Variants in PTPRZ1 observed in about 807,000 individuals in gnomAD.
The protein encoded by PTPRZ1 is receptor-type tyrosine-protein phosphatase zeta.
In PTPRZ1, 82 loss-of-function variants were observed where a neutral mutation model predicts 214.1. That is an observed-to-expected ratio of 0.38 (90% CI 0.32 to 0.46). PTPRZ1 has a LOEUF of 0.46. PTPRZ1 is among the 20% of genes least tolerant of loss of function. PTPRZ1 has a pLI of 1.00. For missense variants in PTPRZ1, 2,603 were observed against 2,748.7 expected, an observed-to-expected ratio of 0.95 and a Z score of 1.19; for synonymous variants, 945 against 987.9, an observed-to-expected ratio of 0.96 and a Z score of 0.81.
In PTPRZ1 at chr7:122,013,185, C is replaced by T. The variant is rs768678557; in HGVS notation, c.4139C>T (p.Ser1380Phe). 5.6e-6 allele frequency: 9 copies of T among 1,614,122 alleles called. No homozygotes were observed. The highest frequency in any genetic ancestry group is 6.8e-6 in the Non-Finnish European group (8 of 1,179,996). The change falls in exon 12 of 30, where the codon TCT becomes TTT. Residue 1380 changes from serine (S) to phenylalanine (F), a missense_variant. Transcript: ENST00000393386. ...GGGCATGTTGCCATTACAGCTGTTTCTCCCCACAGAGATGGTTCTGTAACC... is the reference window on the plus strand; with the variant it reads ...GGGCATGTTGCCATTACAGCTGTTTTTCCCCACAGAGATGGTTCTGTAACC... The part of the protein sequence containing the change: ...GNGHVAITAV[S>F]PHRDGSVTST...
rs1798938938 is a variant in PTPRZ1, at chr7:122,019,170, G to T, written c.4890G>T (p.Gly1630=). Residue 1630 remains glycine (G), a synonymous_variant, in exon 13 of 30, where the codon GGG becomes GGT. Coordinates refer to ENST00000393386, the MANE Select transcript of PTPRZ1 (RefSeq NM_002851.3). Reference sequence around the variant, plus strand: ...AGTCTCGTATTGGTCTAGCTGAGGGGTTGGAATCCGAGAAGAAGGCAGTTA... The same window carrying T: ...AGTCTCGTATTGGTCTAGCTGAGGGTTTGGAATCCGAGAAGAAGGCAGTTA... ...SHESRIGLAE[G]LESEKKAVIP... The T allele has an allele frequency of 1.2e-6, 2 of 1,611,990 alleles. No individual in the cohort carries two copies. The highest frequency in any genetic ancestry group is 2.2e-5 in the South Asian group (2 of 91,034).
intron 2 of PTPRZ1, among the ~76,000 whole-genome samples, chr7:121,959,562 T>A (rs1470425648): frequency 6.6e-6 from 1 of 152,222 alleles, no homozygotes; most frequent in East Asian, 1.9e-4. Context: ...TGATGGCATT[T>A]ATCATTAAGA....
intron 10 of PTPRZ1, among the ~76,000 whole-genome samples, chr7:122,000,701 A>ATT (rs1798297038): frequency 1.1e-5 from 1 of 94,464 alleles, no homozygotes; most frequent in African/African-American, 4.3e-5. Context: ...ATATATATAT[A>ATT]TTTGAGGTGG....
At chr7:121,878,640 A>G (rs577455263) in intron 1 of PTPRZ1, among the ~76,000 whole-genome samples, 1 of 152,134 alleles carries the variant, frequency 6.6e-6, no homozygotes, top group East Asian at 1.9e-4. Flanking sequence ...CCCATAGTAC[A>G]TTTTCCATAA....
At chr7:121,968,877 A>T (rs1156377387) in intron 3 of PTPRZ1, among the ~76,000 whole-genome samples, 2 of 151,960 alleles carry the variant, frequency 1.3e-5, no homozygotes, top group African/African-American at 2.4e-5. Context: ...TCATTGGTGA[A>T]TTTTTTTTAT....
chr7:122,031,545 A>C lies in PTPRZ1; in HGVS notation c.5152A>C (p.Thr1718Pro), dbSNP rs1406864266. 2.5e-6 allele frequency: 4 copies of C among 1,605,882 alleles called. No homozygotes were observed. In the African/African-American group the frequency reaches 5.4e-5, roughly 21 times the overall value. ...AGATTTACATGCAAGTAGTGGGTTT[A>C]CTGAAGAATTTGAGGTATGATTTTA... ...VADLHASSGF[T>P]EEFETLKEFY... is the part of the protein sequence containing the mutation. Residue 1718 changes from threonine to proline, a missense_variant, in exon 15 of 30, where the codon ACT (threonine) becomes CCT (proline). Around this residue, in one of 6 missense-constraint regions of PTPRZ1, gnomAD observed 1,913 missense variants for 1,914.3 expected, o/e 1.00. Coordinates refer to ENST00000393386, the MANE Select transcript of PTPRZ1 (RefSeq NM_002851.3).
chr7:122,023,602 ATTT>A (rs1799098814), intron 13 of PTPRZ1, among the ~76,000 whole-genome samples: 1 of 132,050 alleles, frequency 7.6e-6, no homozygotes, highest in South Asian at 2.1e-4. Context: ...TATATGTATA[ATTT>A]TATATATAAT....
At chr7:122,024,041 G>C (rs983587254) in intron 13 of PTPRZ1, among the ~76,000 whole-genome samples, 5 of 151,512 alleles carry the variant, frequency 3.3e-5, no homozygotes, top group Non-Finnish European at 7.4e-5. Flanking sequence ...AGCAGGTGAC[G>C]TAGTTATCAA....
At chr7:122,044,135 G>A (rs948265164) in intron 22 of PTPRZ1, among the ~76,000 whole-genome samples, 1 of 152,172 alleles carries the variant, frequency 6.6e-6, no homozygotes, top group Non-Finnish European at 1.5e-5. Context: ...AGGATAGGCA[G>A]AGAGGACATT....
At chr7:122,022,883 T>A (rs1243764003) in intron 13 of PTPRZ1, among the ~76,000 whole-genome samples, 2 of 152,118 alleles carry the variant, frequency 1.3e-5, no homozygotes, top group African/African-American at 4.8e-5. Context: ...GACATATAGA[T>A]CAATGGAATC....
At chr7:121,897,753 A>T (rs1794834512) in intron 1 of PTPRZ1, among the ~76,000 whole-genome samples, 1 of 152,186 alleles carries the variant, frequency 6.6e-6, no homozygotes, top group Admixed American at 6.5e-5. Flanking sequence ...CCAAGGTTGC[A>T]TGTAGTGAAT....
chr7:121,974,739 C>G (rs1166993871), intron 4 of PTPRZ1, among the ~76,000 whole-genome samples: 1 of 152,226 alleles, frequency 6.6e-6, no homozygotes, highest in Non-Finnish European at 1.5e-5. Context: ...CCACCCACCT[C>G]AGTCTCCCAA....
intron 2 of PTPRZ1, among the ~76,000 whole-genome samples, chr7:121,951,311 A>T (rs1796534691): frequency 6.6e-6 from 1 of 152,200 alleles, no homozygotes; most frequent in South Asian, 2.1e-4. Context: ...CCTTTACCAC[A>T]GAAGAAAAAA....
chr7:122,017,135 T>C (rs1421845582), intron 12 of PTPRZ1, among the ~76,000 whole-genome samples: 2 of 152,200 alleles, frequency 1.3e-5, no homozygotes, highest in East Asian at 3.8e-4. Context: ...TTTCATTTAT[T>C]ACTGACACAC....
intron 1 of PTPRZ1, among the ~76,000 whole-genome samples, chr7:121,915,461 CAGG>C (rs1487152028): frequency 6.6e-6 from 1 of 152,092 alleles, no homozygotes; most frequent in Non-Finnish European, 1.5e-5. Flanking sequence ...TTTAAAATGG[CAGG>C]AGATGACAGT....
rs139679978 is a variant in PTPRZ1, at chr7:122,058,429, A to G, written c.6529-371A>G. On this transcript the variant is annotated intron_variant, in intron 27 of 29. Transcript: ENST00000393386. ...GATTACTGATAAGTGAAGAAAGTGT[A>G]TGCTATTTTCAAAACAGATTTTAAC... 1.4e-3 allele frequency among the ~76,000 whole-genome samples: 219 copies of G among 152,194 alleles called. 1 individual carries two copies. In the East Asian group the frequency reaches 0.026, roughly 18 times the overall value.
intron 2 of PTPRZ1, among the ~76,000 whole-genome samples, chr7:121,953,618 A>G (rs1796622908): frequency 6.6e-6 from 1 of 152,228 alleles, no homozygotes; most frequent in Non-Finnish European, 1.5e-5. Context: ...GCATTATTTC[A>G]GTCCTTGGAG....
intron 21 of PTPRZ1, among the ~76,000 whole-genome samples, chr7:122,041,556 G>C (rs1799734937): frequency 6.6e-6 from 1 of 152,106 alleles, no homozygotes; most frequent in Non-Finnish European, 1.5e-5. Flanking sequence ...CCAAGACTAG[G>C]TTGATAAATA....
At position 121,878,299 on chromosome 7, in the gene PTPRZ1, T is replaced by C. The variant is rs143432495; in HGVS notation, c.58+4742T>C. 9.4e-3 allele frequency among the ~76,000 whole-genome samples: 1,433 copies of C among 152,294 alleles called. 29 individuals carry two copies. Among genetic ancestry groups the C allele is most frequent in the African/African-American group, 0.033 (1,378 of 41,544 alleles). Reference sequence around the variant, plus strand: ...ATCTGTGTGGCTAGTGGCAATCACATGGGACAGTGCAGACATGGAACATCT... The same window carrying C: ...ATCTGTGTGGCTAGTGGCAATCACACGGGACAGTGCAGACATGGAACATCT... On this transcript the variant is annotated intron_variant, in intron 1 of 29. Transcript: ENST00000393386.
Sources: gnomAD v4.1 joint callset for allele counts (sites outside exome capture counted in the v4.1 genomes callset) on GRCh38, gnomAD v4.1.1 for gene constraint, gnomAD v4.1.1 regional missense constraint, MANE v1.5 for transcripts, NCBI Gene and HGNC (gene_info 2026-07-23, HGNC 2026-07-21) for gene names.